The following SPMIP11 variants were observed in gnomAD, a reference collection of about 807,000 sequenced individuals.
SPMIP11 encodes the protein sperm microtubule inner protein 11, also known as long intergenic non-protein coding RNA 935.
chr12:48,756,498 G>A, the SPMIP11 span, among the ~76,000 whole-genome samples: 3 of 152,126 alleles, frequency 2.0e-5, no homozygotes, highest in Non-Finnish European at 4.4e-5. Flanking sequence ...AGAGATGAGG[G>A]ACAGAGATGA....
the SPMIP11 span, among the ~76,000 whole-genome samples, chr12:48,747,003 G>A: frequency 6.6e-6 from 1 of 152,170 alleles, no homozygotes; most frequent in South Asian, 2.1e-4. Flanking sequence ...TAAAGTAGCA[G>A]CTTCCCCTTC....
chr12:48,769,782 G>T, the SPMIP11 span, among the ~76,000 whole-genome samples: 1 of 146,398 alleles, frequency 6.8e-6, no homozygotes, highest in Admixed American at 6.8e-5. Context: ...TTTTGGGGGG[G>T]ACAGAGTCTC....
the SPMIP11 span, among the ~76,000 whole-genome samples, chr12:48,728,018 T>C: frequency 2.0e-5 from 3 of 149,980 alleles, no homozygotes; most frequent in Non-Finnish European, 3.0e-5. Flanking sequence ...ACCACCGTAC[T>C]CCAGCCTGGG....
chr12:48,729,471 T>C, the SPMIP11 span, among the ~76,000 whole-genome samples: 1 of 151,476 alleles, frequency 6.6e-6, no homozygotes. Flanking sequence ...GAAGTGGAGG[T>C]TGCAGTGAGC....
At chr12:48,752,669 CTTTTT>C in the SPMIP11 span, among the ~76,000 whole-genome samples, 2 of 119,294 alleles carry the variant, frequency 1.7e-5, no homozygotes, top group Admixed American at 8.8e-5. Flanking sequence ...CCTATTTATT[CTTTTT>C]TTTTTTTTTT....
At chr12:48,770,944 C>G in the SPMIP11 span, 1 of 1,614,156 alleles carries the variant, frequency 6.2e-7, no homozygotes, top group Non-Finnish European at 8.5e-7. Context: ...TCTTTTCCAG[C>G]TGCCGGAACC....
the SPMIP11 span, among the ~76,000 whole-genome samples, chr12:48,753,027 G>A: frequency 3.9e-5 from 6 of 152,178 alleles, no homozygotes; most frequent in East Asian, 1.2e-3. Context: ...GGAGGGCCCT[G>A]TTCTTTATTC....
the SPMIP11 span, among the ~76,000 whole-genome samples, chr12:48,749,522 G>C: frequency 1.3e-5 from 2 of 149,796 alleles, no homozygotes; most frequent in African/African-American, 4.9e-5. Context: ...CAGCTACTCA[G>C]GAGGCTGAGG....
chr12:48,732,656 G>T, the SPMIP11 span, among the ~76,000 whole-genome samples: 1 of 151,866 alleles, frequency 6.6e-6, no homozygotes, highest in African/African-American at 2.4e-5. Flanking sequence ...TGTAATCTCA[G>T]CTACTCGGGA....
the SPMIP11 span, among the ~76,000 whole-genome samples, chr12:48,741,647 CTT>C: frequency 3.6e-4 from 48 of 133,434 alleles, no homozygotes; most frequent in Admixed American, 3.0e-4. Flanking sequence ...TGTAAGTATT[CTT>C]TTTTTTTTTT....
At chr12:48,742,446 T>C in the SPMIP11 span, among the ~76,000 whole-genome samples, 1 of 151,682 alleles carries the variant, frequency 6.6e-6, no homozygotes, top group Non-Finnish European at 1.5e-5. Context: ...CACACCCGGC[T>C]AATTTTTGTA....
the SPMIP11 span, chr12:48,764,823 T>A: frequency 1.4e-6 from 1 of 700,958 alleles, no homozygotes; most frequent in South Asian, 1.5e-5. Flanking sequence ...AGGAATTAGA[T>A]AACCTGCCCT....
At chr12:48,752,411 C>A in the SPMIP11 span, among the ~76,000 whole-genome samples, 1 of 152,132 alleles carries the variant, frequency 6.6e-6, no homozygotes, top group African/African-American at 2.4e-5. Context: ...CAGAAGAGCA[C>A]CCCGACCAGT....
chr12:48,741,806 A>C, the SPMIP11 span, among the ~76,000 whole-genome samples: 2 of 151,826 alleles, frequency 1.3e-5, no homozygotes, highest in Non-Finnish European at 2.9e-5. Flanking sequence ...CACCCAGCCA[A>C]TTGTTTTGAT....
the SPMIP11 span, among the ~76,000 whole-genome samples, chr12:48,769,244 C>CA: frequency 7.0e-4 from 102 of 146,462 alleles, 1 homozygote; most frequent in African/African-American, 2.1e-3. Flanking sequence ...CCTATCTTTA[C>CA]AAAAAAAAAA....
chr12:48,757,783 C>G, the SPMIP11 span, among the ~76,000 whole-genome samples: 4 of 151,926 alleles, frequency 2.6e-5, no homozygotes, highest in Non-Finnish European at 4.4e-5. Flanking sequence ...CACATGAGGC[C>G]AGGAATTCAA....
the SPMIP11 span, among the ~76,000 whole-genome samples, chr12:48,754,703 G>A: frequency 6.6e-6 from 1 of 151,874 alleles, no homozygotes; most frequent in African/African-American, 2.4e-5. Flanking sequence ...ACCCGACTAG[G>A]CCTCCCAAAG....
chr12:48,740,619 A>G, the SPMIP11 span, among the ~76,000 whole-genome samples: 1 of 151,568 alleles, frequency 6.6e-6, no homozygotes, highest in African/African-American at 2.4e-5. Context: ...CAGACTCCCA[A>G]AGTGCTGGAA....
At chr12:48,735,524 G>A in the SPMIP11 span, among the ~76,000 whole-genome samples, 1 of 152,072 alleles carries the variant, frequency 6.6e-6, no homozygotes, top group East Asian at 1.9e-4. Context: ...AGCAGAGGTT[G>A]CAGTGAGCTG....
Sources: allele counts gnomAD v4.1 joint callset (sites outside exome capture counted in the v4.1 genomes callset), GRCh38; gene constraint gnomAD v4.1.1; transcripts MANE v1.5; gene names NCBI Gene and HGNC (gene_info 2026-07-23, HGNC 2026-07-21).